The following EPM2A variants were observed in gnomAD, a reference collection of about 807,000 sequenced individuals.
EPM2A encodes the protein EPM2A glucan phosphatase, laforin.
A neutral mutation model predicts 26.5 loss-of-function variants in EPM2A; 21 were observed. The ratio of observed to expected loss-of-function variants is 0.79; its 90% CI spans 0.56 to 1.14. The LOEUF (loss-of-function observed/expected upper bound fraction) is 1.14, where lower values mean the gene tolerates loss of function less well. Among genes scored for constraint, EPM2A ranks in the 50% most tolerant of loss-of-function variants. EPM2A has a pLI of 0.00. For synonymous variants in EPM2A, 217 were observed against 177.6 expected, an observed-to-expected ratio of 1.22 and a Z score of -1.76; for missense variants, 458 against 440.8, an observed-to-expected ratio of 1.04 and a Z score of -0.35.
At chr6:145,470,890 A>G (rs1779464784) in intron 4 of EPM2A, among the ~76,000 whole-genome samples, 1 of 152,194 alleles carries the variant, frequency 6.6e-6, no homozygotes, top group Admixed American at 6.5e-5. Context: ...TCTTAAAGCA[A>G]TAATTATTTC....
At chr6:145,550,547 C>T (rs1442138256) in intron 2 of EPM2A, among the ~76,000 whole-genome samples, 1 of 151,936 alleles carries the variant, frequency 6.6e-6, no homozygotes, top group Non-Finnish European at 1.5e-5. Flanking sequence ...CAAACACTTT[C>T]AACCTCCAAA....
At chr6:145,510,309 G>T (rs1780037615) in intron 2 of EPM2A, among the ~76,000 whole-genome samples, 1 of 152,052 alleles carries the variant, frequency 6.6e-6, no homozygotes. Flanking sequence ...TCTGCATATG[G>T]AACATACTGT....
chr6:145,501,748 G>A, exon 4 of EPM2A: 1 of 470,444 alleles, frequency 2.1e-6, no homozygotes. Flanking sequence ...GCTTGCACCA[G>A]TCGTCACCCA....
chr6:145,455,141 A>G (rs942059061), intron 4 of EPM2A, among the ~76,000 whole-genome samples: 8 of 151,892 alleles, frequency 5.3e-5, no homozygotes, highest in Non-Finnish European at 5.9e-5. Flanking sequence ...AATTACTTAA[A>G]ATTGTGTTGT....
chr6:145,667,677 G>T (rs1779313347), intron 2 of EPM2A, among the ~76,000 whole-genome samples: 1 of 148,226 alleles, frequency 6.7e-6, no homozygotes, highest in Admixed American at 6.7e-5. Context: ...TATAACCAAA[G>T]GACTATAAAT....
intron 1 of EPM2A, among the ~76,000 whole-genome samples, chr6:145,688,616 A>G (rs6940415): frequency 0.067 from 10,142 of 152,204 alleles, 1,136 homozygotes; most frequent in African/African-American, 0.23. Context: ...AAATAAATAT[A>G]TGAGTAATTT....
At chr6:145,727,797 G>A (rs1776286221) in intron 1 of EPM2A, among the ~76,000 whole-genome samples, 1 of 152,074 alleles carries the variant, frequency 6.6e-6, no homozygotes, top group South Asian at 2.1e-4. Flanking sequence ...TTTTTTTCAG[G>A]GAAGGAATGT....
At chr6:145,468,755 C>T (rs993266520) in intron 4 of EPM2A, among the ~76,000 whole-genome samples, 2 of 152,040 alleles carry the variant, frequency 1.3e-5, no homozygotes, top group African/African-American at 4.8e-5. Context: ...CCATCACAAG[C>T]ACAGGAAACT....
chr6:145,606,905 T>G (rs1775274986), intron 2 of EPM2A, among the ~76,000 whole-genome samples: 1 of 152,198 alleles, frequency 6.6e-6, no homozygotes, highest in Non-Finnish European at 1.5e-5. Flanking sequence ...AAACTTAACT[T>G]GAGCTATTTC....
intron 2 of EPM2A, among the ~76,000 whole-genome samples, chr6:145,644,487 A>G (rs1562435725): frequency 6.6e-6 from 1 of 152,144 alleles, no homozygotes; most frequent in East Asian, 1.9e-4. Flanking sequence ...AATTTAGGAA[A>G]ATACACATAA....
chr6:145,690,418 G>A lies in EPM2A; in HGVS notation c.302-4122C>T, dbSNP rs1194154588. On this transcript the variant is annotated intron_variant, in intron 1 of 3. Coordinates refer to ENST00000367519, the MANE Select transcript of EPM2A (RefSeq NM_005670.4). ...CCAGCTACTCGGGAGGCTGAGGCAG[G>A]AGAATGGCGTGAACCCGGGAAGCGG... 2.0e-5 allele frequency among the ~76,000 whole-genome samples: 3 copies of A among 150,632 alleles called. No homozygotes were observed. In the East Asian group the frequency reaches 5.9e-4, roughly 30 times the overall value.
intron 2 of EPM2A, chr6:145,682,578 T>A (rs894128553): frequency 3.5e-4 from 53 of 152,350 alleles, no homozygotes; most frequent in African/African-American, 1.3e-3. Flanking sequence ...GCTGTTTACA[T>A]GTTGTCTTCC....
intron 4 of EPM2A, among the ~76,000 whole-genome samples, chr6:145,479,909 C>A (rs1263625651): frequency 6.6e-6 from 1 of 152,008 alleles, no homozygotes. Context: ...CACATCCTTG[C>A]CAACACTTTT....
chr6:145,419,179 G>GCCCC (rs1266559813), intron 4 of EPM2A, among the ~76,000 whole-genome samples: 33 of 136,278 alleles, frequency 2.4e-4, no homozygotes, highest in South Asian at 1.7e-3. Flanking sequence ...TCTGTTAAAT[G>GCCCC]TCCCCCCCCC....
At chr6:145,506,640 A>G (rs1439808718) in intron 2 of EPM2A, among the ~76,000 whole-genome samples, 2 of 152,208 alleles carry the variant, frequency 1.3e-5, no homozygotes, top group Non-Finnish European at 2.9e-5. Context: ...TATGAACTCA[A>G]GCATATGGAA....
intron 2 of EPM2A, among the ~76,000 whole-genome samples, chr6:145,523,098 C>A (rs570100342): frequency 6.6e-6 from 1 of 152,064 alleles, no homozygotes; most frequent in East Asian, 1.9e-4. Context: ...TTTGAATTTG[C>A]GTGTTTTCTC....
chr6:145,632,515 C>G (rs1485494809), intron 3 of EPM2A, among the ~76,000 whole-genome samples: 1 of 152,064 alleles, frequency 6.6e-6, no homozygotes, highest in Non-Finnish European at 1.5e-5. Flanking sequence ...AAGACACAAA[C>G]CAAAATGTTT....
At chr6:145,598,754 C>G (rs1781380950) in intron 2 of EPM2A, among the ~76,000 whole-genome samples, 1 of 152,142 alleles carries the variant, frequency 6.6e-6, no homozygotes, top group Non-Finnish European at 1.5e-5. Flanking sequence ...ACAATTAAGT[C>G]TTTACTCCAT....
At chr6:145,391,159 A>C (rs1370355672) in intron 4 of EPM2A, among the ~76,000 whole-genome samples, 1 of 152,156 alleles carries the variant, frequency 6.6e-6, no homozygotes, top group Admixed American at 6.6e-5. Flanking sequence ...GAAGTTGGAC[A>C]TACCTGTTAT....
Sources: allele counts gnomAD v4.1 joint callset (sites outside exome capture counted in the v4.1 genomes callset), GRCh38; gene constraint gnomAD v4.1.1; transcripts MANE v1.5; gene names NCBI Gene and HGNC (gene_info 2026-07-23, HGNC 2026-07-21).